Variants in MTMR11 observed in about 807,000 individuals in gnomAD.
The protein encoded by MTMR11 is myotubularin-related protein 11.
In MTMR11, 89 loss-of-function variants were observed where a neutral mutation model predicts 100.0. That is an observed-to-expected ratio of 0.89 (90% confidence interval 0.75 to 1.06). MTMR11 has a LOEUF of 1.06. Ranked by LOEUF, MTMR11 falls within the 50% of genes least tolerant of loss-of-function variation. The pLI is 0.00. For missense variants in MTMR11, 809 were observed against 873.7 expected, an observed-to-expected ratio of 0.93 and a Z score of 0.93; for synonymous variants, 336 against 326.3, an observed-to-expected ratio of 1.03 and a Z score of -0.32.
At position 149,935,614 on chromosome 1, in the gene MTMR11, G is replaced by A. The variant is rs782416065; in HGVS notation, c.234C>T (p.Thr78=). 3.5e-5 allele frequency: 56 copies of A among 1,613,964 alleles called. 1 individual carries two copies. Among genetic ancestry groups the A allele is most frequent in the Non-Finnish European group, 6.8e-6 (8 of 1,179,996 alleles). The change falls in exon 3 of 17, where the codon ACC becomes ACT. Residue 78 remains threonine (T), a synonymous_variant. Coordinates refer to ENST00000439741, the MANE Select transcript of MTMR11 (RefSeq NM_001145862.2). The part of the protein sequence containing the change: ...GTLICTNFRV[T]FQPCGWQWNQ... ...TCCACTGCCATCCACAGGGCTGGAA[G>A]GTGACCCTAAAGTTGGTACAGATCA... is the stretch of plus-strand genomic sequence containing the variant.
intron 8 of MTMR11, 60 bp downstream of exon 8, chr1:149,933,795 G>A (rs1472465371): frequency 2.1e-5 from 34 of 1,605,770 alleles, no homozygotes; most frequent in South Asian, 5.5e-5. Flanking sequence ...CTCCCTCCAC[G>A]ATGTCCCTGG....
At chr1:149,932,437 A>G in intron 10 of MTMR11, 107 bp from the exon 11 acceptor site, 1 of 826,734 alleles carries the variant, frequency 1.2e-6, no homozygotes, top group Non-Finnish European at 2.0e-6. Context: ...GTAATTGTAA[A>G]TGGCCAGGAT....
chr1:149,930,818 A>T lies in MTMR11; in HGVS notation c.1438T>A (p.Trp480Arg), dbSNP rs781997067. 21 of 1,591,396 alleles carry T rather than the reference A, an allele frequency of 1.3e-5. No individual in the cohort carries two copies. Among genetic ancestry groups the T allele is most frequent in the Non-Finnish European group, 8.5e-7 (1 of 1,172,372 alleles). The stretch of plus-strand genomic sequence containing the variant: ...TGTCCGCTCTGCTTTCCGCGCTCCC[A>T]GGGGGTATTTCTCAGGAAGGTAAGG... ...DTLTFLRNTPWERGKQSGQLN... is the reference protein window; with the variant it reads ...DTLTFLRNTPRERGKQSGQLN... The change falls in exon 14 of 17, where the codon TGG becomes AGG. Residue 480 changes from tryptophan (W) to arginine (R), a missense_variant. Physicochemically the swap from Trp to Arg is moderately radical, Grantham distance 101. Coordinates refer to ENST00000439741, the MANE Select transcript of MTMR11 (RefSeq NM_001145862.2).
At chr1:149,934,412 TCA>T (rs1486128674) in intron 6 of MTMR11, 34 bp downstream of exon 6, 1 of 1,613,842 alleles carries the variant, frequency 6.2e-7, no homozygotes, top group Admixed American at 1.7e-5. Context: ...CTCTGCTTTT[TCA>T]GACTCTTCCT....
In MTMR11 at chr1:149,930,794, G is replaced by A; in HGVS notation, c.1462C>T (p.Gln488Ter). The A allele has an allele frequency of 1.3e-6, 2 of 1,565,338 alleles. No homozygotes were observed. Among genetic ancestry groups the A allele is most frequent in the Non-Finnish European group, 1.7e-6 (2 of 1,160,812 alleles). The change falls in exon 14 of 17, where the codon CAG (glutamine) becomes TAG (stop). Residue 488 changes from glutamine to a stop codon, truncating the protein, a stop_gained and splice_region_variant. Coordinates refer to ENST00000439741, the MANE Select transcript of MTMR11 (RefSeq NM_001145862.2). LOFTEE classifies it high-confidence loss of function. ...TPWERGKQSG[Q>*]LNSYTQVYTP... ...AGTCAAAAATAGAAGTCACTGACCT[G>A]TCCGCTCTGCTTTCCGCGCTCCCAG...
rs201659440 is a variant in MTMR11, at chr1:149,934,258, G to A, written c.616C>T (p.Arg206Trp). 1.3e-4 allele frequency: 216 copies of A among 1,614,134 alleles called. No homozygotes were observed. Among genetic ancestry groups the A allele is most frequent in the Non-Finnish European group, 1.7e-4 (202 of 1,180,022 alleles). ...METAEDWETE[R>W]KKQAARGWRV... is the part of the protein sequence containing the mutation. ...CAGCCTCTGGCTGCCTGCTTCTTCC[G>A]CTCAGTCTCCCAGTCTTCCGCTGTC... Residue 206 changes from arginine to tryptophan, a missense_variant, in exon 7 of 17, where the codon CGG (arginine) becomes TGG (tryptophan). Physicochemically the swap from Arg to Trp is moderately radical, Grantham distance 101 (BLOSUM62 -3). Transcript: ENST00000439741.
rs2092614277 is a variant in MTMR11 at position 149,928,791 on chromosome 1, G to A, written c.*338C>T. ...AGAAATAGAACTTGGAATTAAAGCAGCAGCAAGGCGAGGTGAGAATGCGAT... is the reference window on the plus strand; with the variant it reads ...AGAAATAGAACTTGGAATTAAAGCAACAGCAAGGCGAGGTGAGAATGCGAT... On this transcript the variant is annotated 3_prime_UTR_variant, in exon 17 of 17. Coordinates refer to ENST00000439741, the MANE Select transcript of MTMR11 (RefSeq NM_001145862.2). 5.1e-6 allele frequency: 7 copies of A among 1,379,110 alleles called. No homozygotes were observed. Among genetic ancestry groups the A allele is most frequent in the Non-Finnish European group, 6.2e-6 (6 of 968,304 alleles). 85.4% of individuals were successfully genotyped at this position (1,379,110 alleles called of 1,614,324 possible).
rs782293441 is a variant in MTMR11, at chr1:149,933,419, G to T, written c.972C>A (p.Ala324=). ...DVQLAHLRLR[A]LCLPDSSVAE... ...GGTTATTCTCACCAGGCAGGCAGAG[G>T]GCCCTCAGCCTCAGGTGGGCAAGTT... Residue 324 remains alanine, a synonymous_variant, in exon 10 of 17, where the codon GCC becomes GCA. Coordinates refer to ENST00000439741, the MANE Select transcript of MTMR11 (RefSeq NM_001145862.2). 5 of 1,614,148 alleles carry T rather than the reference G, an allele frequency of 3.1e-6. No individual in the cohort carries two copies. The highest frequency in any genetic ancestry group is 4.2e-6 in the Non-Finnish European group (5 of 1,180,026).
At chr1:149,931,025 G>A in intron 13 of MTMR11, 60 bp from the exon 14 acceptor site, 5 of 1,475,714 alleles carry the variant, frequency 3.4e-6, no homozygotes, top group South Asian at 1.4e-5. Flanking sequence ...AGGATGACGA[G>A]ATGATAAGGG....
chr1:149,931,955 A>T lies in MTMR11; in HGVS notation c.1112T>A (p.Val371Glu). Residue 371 changes from valine to glutamate, a missense_variant, in exon 12 of 17, where the codon GTA becomes GAA. By Grantham distance (121) the Val-to-Glu change is moderately radical. Coordinates refer to ENST00000439741, the MANE Select transcript of MTMR11 (RefSeq NM_001145862.2). ...ACCAAGGAACTCACCTTGAAGTATT[A>T]CAGAACGAACCCTGGATGTCACTAA... ...SVLVTSRVRS[V>E]ILQERGDRDL... is the part of the protein sequence containing the mutation. 2 of 1,613,438 alleles carry T rather than the reference A, an allele frequency of 1.2e-6. No homozygotes were observed. Among genetic ancestry groups the T allele is most frequent in the Non-Finnish European group, 1.7e-6 (2 of 1,179,310 alleles).
chr1:149,936,058 C>T (rs1571558312), intron 2 of MTMR11, 96 bp downstream of exon 2: 4 of 1,348,944 alleles, frequency 3.0e-6, no homozygotes, highest in Middle Eastern at 1.8e-4. Context: ...CTTCGAGCCA[C>T]GAGAGGAACA....
rs782704108 is a variant in MTMR11, at chr1:149,935,655, C to T, written c.193G>A (p.Glu65Lys). The T allele has an allele frequency of 1.1e-5, 18 of 1,614,040 alleles. No individual in the cohort carries two copies. Among genetic ancestry groups the T allele is most frequent in the Non-Finnish European group, 1.5e-5 (18 of 1,179,962 alleles). Residue 65 changes from glutamate (E) to lysine (K), a missense_variant, in exon 3 of 17, where the codon GAA becomes AAA. Coordinates refer to ENST00000439741, the MANE Select transcript of MTMR11 (RefSeq NM_001145862.2). The stretch of plus-strand genomic sequence containing the variant: ...GTACAGATCAGGGTTCCAGACAATT[C>T]TGGTTCCAGGCCCTTCCTCACCCCT... ...APGVRKGLEP[E>K]LSGTLICTNF...
At chr1:149,932,957 CTTTTTTT>C (rs201894021) in intron 10 of MTMR11, among the ~76,000 whole-genome samples, 1 of 136,952 alleles carries the variant, frequency 7.3e-6, no homozygotes, top group Admixed American at 7.2e-5. Context: ...TCTCATCTGC[CTTTTTTT>C]TTTTTTTTAA....
At chr1:149,934,592 C>T in intron 5 of MTMR11, 66 bp from the exon 6 acceptor site, 2 of 1,486,994 alleles carry the variant, frequency 1.3e-6, no homozygotes, top group Non-Finnish European at 1.9e-6. Context: ...GGAAATGGAG[C>T]CCATGTGTTG....
At chr1:149,931,568 A>G in intron 12 of MTMR11, 142 bp from the exon 13 acceptor site, 1 of 718,894 alleles carries the variant, frequency 1.4e-6, no homozygotes, top group South Asian at 2.0e-5. Context: ...GAAAGCACAT[A>G]GAAGTGAAGA....
In MTMR11 at chr1:149,936,713, C is replaced by A. The variant is rs144819804; in HGVS notation, c.-66G>T. ...AAACCTCAAGGATGCTCACCCACCTCGGGGAGAGGCTGAGTCTTGTTGAGA... is the reference window on the plus strand; with the variant it reads ...AAACCTCAAGGATGCTCACCCACCTAGGGGAGAGGCTGAGTCTTGTTGAGA... On this transcript the variant is annotated 5_prime_UTR_variant, in exon 1 of 17. Coordinates refer to ENST00000439741, the MANE Select transcript of MTMR11 (RefSeq NM_001145862.2). 12 of 1,070,056 alleles carry A rather than the reference C, an allele frequency of 1.1e-5. No individual in the cohort carries two copies. Among genetic ancestry groups the A allele is most frequent in the African/African-American group, 1.6e-5 (1 of 63,868 alleles). 66.3% of individuals were successfully genotyped at this position (1,070,056 alleles called of 1,614,324 possible). A position where few individuals can be genotyped will look rare whatever the true frequency, so the allele number is the denominator to read the frequency against.
chr1:149,930,726 G>A (rs1184873859), intron 14 of MTMR11, 66 bp downstream of exon 14: 1 of 1,478,120 alleles, frequency 6.8e-7, no homozygotes, highest in African/African-American at 1.4e-5. Context: ...AACAAATCAA[G>A]ACCAAACTTC....
Position 149,935,139 on chromosome 1 carries a change from GA to G in MTMR11, c.326-12del. The stretch of plus-strand genomic sequence containing the variant: ...GGGACAAGCCGCTCACTGAAGTCAA[GA>G]GGTACAGAACAGTGTAACCATGGAC... On this transcript the variant is annotated splice_polypyrimidine_tract_variant and intron_variant, in intron 4 of 16. Coordinates refer to ENST00000439741, the MANE Select transcript of MTMR11 (RefSeq NM_001145862.2). 1 of 1,614,080 alleles carries G rather than the reference GA, an allele frequency of 6.2e-7. No individual in the cohort carries two copies. The highest frequency in any genetic ancestry group is 8.5e-7 in the Non-Finnish European group (1 of 1,179,988).
intron 10 of MTMR11, among the ~76,000 whole-genome samples, chr1:149,932,570 G>A (rs1299881115): frequency 5.3e-5 from 8 of 152,198 alleles, no homozygotes; most frequent in African/African-American, 1.9e-4. Context: ...CAATAAAGCT[G>A]TTTAAAGAAT....
Sources: gnomAD v4.1 joint callset for allele counts (sites outside exome capture counted in the v4.1 genomes callset) on GRCh38, gnomAD v4.1.1 for gene constraint, MANE v1.5 for transcripts, NCBI Gene and HGNC (gene_info 2026-07-23, HGNC 2026-07-21) for gene names.